The following GVQW3 variants were observed in gnomAD, a reference collection of about 807,000 sequenced individuals.
GVQW3 encodes GVQW motif containing 3, also known as protein GVQW3.
GVQW3 carries 7 observed loss-of-function variants against 12.5 expected under a neutral mutation model. The observed-to-expected ratio is 0.56, with a 90% confidence interval of 0.32 to 1.05. The LOEUF is 1.05. Among genes scored for constraint, GVQW3 ranks in the 50% least tolerant of loss-of-function variants. The pLI, the probability that GVQW3 is intolerant of heterozygous loss-of-function variation, is 0.04. For synonymous variants in GVQW3, 71 were observed against 67.2 expected (o/e 1.06, Z -0.28); for missense variants, 188 against 190.8 (o/e 0.99, Z 0.09).
intron 1 of GVQW3, among the ~76,000 whole-genome samples, chr11:76,386,278 A>G (rs1230364513): frequency 2.6e-5 from 4 of 152,222 alleles, no homozygotes; most frequent in Non-Finnish European, 5.9e-5. Context: ...GTAATGATCA[A>G]AAAGAGAAAG....
At chr11:76,383,974 T>C (rs1288874539) in intron 1 of GVQW3, among the ~76,000 whole-genome samples, 1 of 152,210 alleles carries the variant, frequency 6.6e-6, no homozygotes, top group Non-Finnish European at 1.5e-5. Flanking sequence ...ACCAATTTGA[T>C]ATCTGATTTT....
At chr11:76,391,139 C>A (rs186730503) in intron 1 of GVQW3, among the ~76,000 whole-genome samples, 1 of 152,270 alleles carries the variant, frequency 6.6e-6, no homozygotes, top group Non-Finnish European at 1.5e-5. Context: ...CCAGTTAAGG[C>A]CTAAACCTGT....
At chr11:76,399,484 T>C (rs965422451) in intron 1 of GVQW3, among the ~76,000 whole-genome samples, 5 of 152,188 alleles carry the variant, frequency 3.3e-5, no homozygotes, top group Non-Finnish European at 7.3e-5. Flanking sequence ...TTTTGGAAAA[T>C]TATCAATAAT....
At chr11:76,413,503 A>C (rs1387530619) in exon 2 of GVQW3, 1 of 152,196 alleles carries the variant, frequency 6.6e-6, no homozygotes, top group Non-Finnish European at 1.5e-5. Context: ...CCTCATCTAT[A>C]AGATGGGGAT....
At chr11:76,393,172 T>C (rs183514599) in intron 1 of GVQW3, among the ~76,000 whole-genome samples, 127 of 152,324 alleles carry the variant, frequency 8.3e-4, no homozygotes, top group African/African-American at 2.4e-3. Context: ...AAATTAAAAA[T>C]TGTAGAATAC....
chr11:76,385,737 C>T (rs897774151), intron 1 of GVQW3, among the ~76,000 whole-genome samples: 3 of 152,118 alleles, frequency 2.0e-5, no homozygotes, highest in South Asian at 2.1e-4. Flanking sequence ...GCCTTCCTAT[C>T]TTAAAGAAGC....
chr11:76,397,611 G>A (rs944944478), intron 1 of GVQW3, among the ~76,000 whole-genome samples: 1 of 152,174 alleles, frequency 6.6e-6, no homozygotes, highest in Non-Finnish European at 1.5e-5. Flanking sequence ...AATTTCTAGA[G>A]TGTAAATATT....
chr11:76,398,319 C>T (rs972158015), intron 1 of GVQW3, among the ~76,000 whole-genome samples: 1 of 151,876 alleles, frequency 6.6e-6, no homozygotes, highest in Non-Finnish European at 1.5e-5. Context: ...TCTTTTTCTT[C>T]TTTTGAGACA....
At chr11:76,392,011 C>T (rs901197119) in intron 1 of GVQW3, among the ~76,000 whole-genome samples, 1 of 152,208 alleles carries the variant, frequency 6.6e-6, no homozygotes, top group Non-Finnish European at 1.5e-5. Context: ...CTTCTTCGAG[C>T]CTGGGCCTGC....
rs760128926 is a variant in GVQW3 at position 76,403,807 on chromosome 11, C to G, written c.*49C>G. On this transcript the variant is annotated 3_prime_UTR_variant, in exon 2 of 2. Transcript: ENST00000529331. ...GGAGTTCAATGGTGTAAATTCCAGT[C>G]TGAGTCCACAGGCCGAAGAGCGAGG... 1.6e-6 allele frequency: 1 copy of G among 634,234 alleles called. No individual in the cohort carries two copies. The highest frequency in any genetic ancestry group is 2.2e-5 in the Admixed American group (1 of 45,132). 39.3% of individuals were successfully genotyped at this position (634,234 alleles called of 1,614,324 possible).
At chr11:76,385,303 T>G (rs1565241172) in intron 1 of GVQW3, among the ~76,000 whole-genome samples, 1 of 152,206 alleles carries the variant, frequency 6.6e-6, no homozygotes, top group Non-Finnish European at 1.5e-5. Flanking sequence ...ATAGGAAAGT[T>G]CTTATATGAG....
At position 76,381,569 on chromosome 11, in the gene GVQW3, G is replaced by C. The variant is rs1946768271; in HGVS notation, c.-260G>C. 26 of 410,820 alleles carry C rather than the reference G, an allele frequency of 6.3e-5. No individual in the cohort carries two copies. In the South Asian group the frequency reaches 1.1e-3, roughly 17 times the overall value. The allele number at this position is 410,820 out of a possible 1,614,324, so 25.4% of individuals were successfully genotyped here. Reference sequence around the variant, plus strand: ...ACTCTCGGCAGATGTGCGTGCACTGGTTTGATGCAGACGTGGTTGTAGGCG... The same window carrying C: ...ACTCTCGGCAGATGTGCGTGCACTGCTTTGATGCAGACGTGGTTGTAGGCG... On this transcript the variant is annotated 5_prime_UTR_variant, in exon 1 of 2. Transcript: ENST00000529331.
chr11:76,397,736 G>T (rs924414468), intron 1 of GVQW3, among the ~76,000 whole-genome samples: 2 of 152,216 alleles, frequency 1.3e-5, no homozygotes, highest in Admixed American at 6.5e-5. Flanking sequence ...AAGTTGCATG[G>T]TTGATAGCAT....
At position 76,382,161 on chromosome 11, in the gene GVQW3, C is replaced by T; in HGVS notation, c.333C>T (p.Asn111=). The T allele has an allele frequency of 6.5e-7, 1 of 1,536,222 alleles. No individual in the cohort carries two copies. Among genetic ancestry groups the T allele is most frequent in the Non-Finnish European group, 8.7e-7 (1 of 1,146,934 alleles). The change falls in exon 1 of 2, where the codon AAC becomes AAT. Residue 111 remains asparagine, a synonymous_variant. Coordinates refer to ENST00000529331, the MANE Select transcript of GVQW3 (RefSeq NM_001347885.2). The part of the protein sequence containing the change: ...KETVRLILKE[N]LNMRKISAKV... ...CTGTTAGGCTCATTTTGAAAGAAAA[C>T]TTGAACATGAGGAAGATTTCTGCAA...
chr11:76,382,428 C>A (rs569359194), intron 1 of GVQW3, 135 bp downstream of exon 1: 7 of 707,846 alleles, frequency 9.9e-6, no homozygotes, highest in African/African-American at 1.8e-5. Flanking sequence ...GCCTTCCCCC[C>A]AGGGTAGCTG....
chr11:76,398,698 C>T (rs1274007245), intron 1 of GVQW3, among the ~76,000 whole-genome samples: 4 of 151,914 alleles, frequency 2.6e-5, no homozygotes, highest in African/African-American at 9.7e-5. Flanking sequence ...TGGCCTCAAG[C>T]GATCCTCCCA....
At chr11:76,411,709 T>C (rs1947080816), downstream of GVQW3, 1 of 152,218 alleles carries the variant, frequency 6.6e-6, no homozygotes, top group South Asian at 2.1e-4. Flanking sequence ...TCAACAGATC[T>C]GTGTTTGAGT....
chr11:76,406,144 T>G lies in GVQW3; in HGVS notation c.*2386T>G, dbSNP rs547718070. Reference sequence around the variant, plus strand: ...TGTATCACCATGCCCAGCTAATTTTTGCATTTTTTGTAGAGTCAGGGTTTC... The same window carrying G: ...TGTATCACCATGCCCAGCTAATTTTGGCATTTTTTGTAGAGTCAGGGTTTC... On this transcript the variant is annotated 3_prime_UTR_variant, in exon 2 of 2. Transcript: ENST00000529331. 4 of 147,940 alleles carry G rather than the reference T, an allele frequency of 2.7e-5. No homozygotes were observed. The highest frequency in any genetic ancestry group is 1.0e-4 in the African/African-American group (4 of 38,840). 9.2% of individuals were successfully genotyped at this position (147,940 alleles called of 1,614,324 possible).
intron 1 of GVQW3, among the ~76,000 whole-genome samples, chr11:76,391,054 C>G (rs1015564621): frequency 6.6e-6 from 1 of 152,168 alleles, no homozygotes; most frequent in African/African-American, 2.4e-5. Flanking sequence ...CTTGAGGCTT[C>G]CTAACAGCTC....
Sources: allele counts gnomAD v4.1 joint callset (sites outside exome capture counted in the v4.1 genomes callset), GRCh38; gene constraint gnomAD v4.1.1; transcripts MANE v1.5; gene names NCBI Gene and HGNC (gene_info 2026-07-23, HGNC 2026-07-21).